RBMS3: variants seen among roughly 807,000 people sequenced by gnomAD.
RBMS3 encodes the protein RNA binding motif single stranded interacting protein 3, also known as RNA-binding motif, single-stranded-interacting protein 3.
RBMS3 carries 27 observed loss-of-function variants against 66.8 expected under a neutral mutation model. That is an observed-to-expected ratio of 0.40 (90% CI 0.30 to 0.56). The LOEUF is 0.56. RBMS3 is among the 20% of genes least tolerant of loss of function. RBMS3 has a pLI of 0.40. For synonymous variants in RBMS3, 188 were observed against 183.0 expected (o/e 1.03, Z -0.22); for missense variants, 513 against 549.5 (o/e 0.93, Z 0.66).
At chr3:29,567,416 T>C (rs532962754) in intron 3 of RBMS3, among the ~76,000 whole-genome samples, 3 of 152,308 alleles carry the variant, frequency 2.0e-5, no homozygotes, top group Non-Finnish European at 4.4e-5. Context: ...TCATGCTTAC[T>C]TACTGATTTA....
intron 3 of RBMS3, among the ~76,000 whole-genome samples, chr3:29,531,321 T>C (rs1198436057): frequency 6.6e-6 from 1 of 152,218 alleles, no homozygotes; most frequent in African/African-American, 2.4e-5. Context: ...TACAATAAAA[T>C]TTGAGAAGGA....
chr3:29,433,180 C>G (rs1470856509), intron 1 of RBMS3, among the ~76,000 whole-genome samples: 1 of 151,832 alleles, frequency 6.6e-6, no homozygotes, highest in African/African-American at 2.4e-5. Flanking sequence ...TTATATTATT[C>G]CTTACCTTTA....
chr3:29,731,966 C>T (rs568530406), intron 4 of RBMS3, among the ~76,000 whole-genome samples: 6 of 151,604 alleles, frequency 4.0e-5, no homozygotes, highest in African/African-American at 7.3e-5. Context: ...TCTGTACCTC[C>T]GTCCCTTTAC....
At chr3:29,571,107 T>C (rs1365729713) in intron 3 of RBMS3, among the ~76,000 whole-genome samples, 1 of 151,922 alleles carries the variant, frequency 6.6e-6, no homozygotes, top group Non-Finnish European at 1.5e-5. Context: ...CATATGCCTG[T>C]TTGCCATTTG....
At chr3:29,310,255 T>A (rs1304323646) in intron 1 of RBMS3, among the ~76,000 whole-genome samples, 1 of 151,658 alleles carries the variant, frequency 6.6e-6, no homozygotes, top group Non-Finnish European at 1.5e-5. Context: ...AGATCATGTC[T>A]GAAAACTTTA....
chr3:29,971,773 A>C (rs182354270), intron 12 of RBMS3, among the ~76,000 whole-genome samples: 1 of 152,284 alleles, frequency 6.6e-6, no homozygotes, highest in Non-Finnish European at 1.5e-5. Context: ...GTTAGATGTC[A>C]TAAGAGGTAG....
chr3:29,959,544 C>A (rs1696270674), intron 12 of RBMS3, among the ~76,000 whole-genome samples: 1 of 152,124 alleles, frequency 6.6e-6, no homozygotes, highest in African/African-American at 2.4e-5. Context: ...AAATCACAAA[C>A]ATTGGCTGTG....
chr3:29,297,146 C>T (rs1375637229), intron 1 of RBMS3, among the ~76,000 whole-genome samples: 5 of 151,704 alleles, frequency 3.3e-5, no homozygotes, highest in African/African-American at 1.2e-4. Flanking sequence ...TGCTTTAATA[C>T]GATTTCCCCA....
chr3:29,415,008 A>C lies in RBMS3; in HGVS notation c.76-19735A>C, dbSNP rs191705607. ...TCCCATAATAGAATAAAATGAGGAT[A>C]TGGCTGATAAATGCTGAGAAGGACA... On this transcript the variant is annotated intron_variant, in intron 1 of 14. Coordinates refer to ENST00000383767, the MANE Select transcript of RBMS3 (RefSeq NM_001003793.3). Among the ~76,000 whole-genome samples, 6 of 152,340 alleles carry C rather than the reference A, an allele frequency of 3.9e-5. No individual in the cohort carries two copies. In the South Asian group the frequency reaches 8.3e-4, roughly 21 times the overall value.
At chr3:29,797,581 A>T (rs2149437256) in intron 6 of RBMS3, 1 of 152,324 alleles carries the variant, frequency 6.6e-6, no homozygotes, top group South Asian at 2.1e-4. Flanking sequence ...GCTAACTGGT[A>T]AAAAGGCCTA....
intron 1 of RBMS3, among the ~76,000 whole-genome samples, chr3:29,411,969 G>T (rs1284105685): frequency 6.6e-6 from 1 of 152,172 alleles, no homozygotes; most frequent in African/African-American, 2.4e-5. Context: ...TTGTAACAAT[G>T]ATTTGAACTT....
intron 3 of RBMS3, among the ~76,000 whole-genome samples, chr3:29,516,907 A>G (rs1308121339): frequency 6.6e-6 from 1 of 152,200 alleles, no homozygotes; most frequent in Non-Finnish European, 1.5e-5. Context: ...TTGAAACAAT[A>G]AATGCATTAA....
intron 3 of RBMS3, among the ~76,000 whole-genome samples, chr3:29,541,606 T>C (rs1347069875): frequency 6.6e-6 from 1 of 152,184 alleles, no homozygotes; most frequent in East Asian, 1.9e-4. Context: ...TAAATTGGTG[T>C]CTGGCTTCAT....
At chr3:29,727,586 C>T (rs991485316) in intron 4 of RBMS3, among the ~76,000 whole-genome samples, 6 of 151,930 alleles carry the variant, frequency 3.9e-5, no homozygotes, top group Non-Finnish European at 5.9e-5. Flanking sequence ...GACATTTATG[C>T]AGCCAACAAA....
intron 4 of RBMS3, among the ~76,000 whole-genome samples, chr3:29,608,483 A>G (rs1157095284): frequency 6.6e-6 from 1 of 152,038 alleles, no homozygotes; most frequent in East Asian, 1.9e-4. Flanking sequence ...AAGATTATAC[A>G]ATTACACAGA....
intron 4 of RBMS3, among the ~76,000 whole-genome samples, chr3:29,648,263 A>ATTTT (rs749839563): frequency 0.012 from 909 of 77,596 alleles, 75 homozygotes; most frequent in Admixed American, 0.035. Context: ...GAAAATGTCT[A>ATTTT]TTTTTTTTTT....
intron 5 of RBMS3, among the ~76,000 whole-genome samples, chr3:29,751,287 T>A (rs532818330): frequency 6.6e-5 from 10 of 152,186 alleles, no homozygotes; most frequent in Admixed American, 4.6e-4. Flanking sequence ...TAATAAAACA[T>A]TATGACCAAA....
At chr3:29,771,058 A>G (rs1438480882) in intron 6 of RBMS3, among the ~76,000 whole-genome samples, 5 of 152,038 alleles carry the variant, frequency 3.3e-5, no homozygotes, top group Admixed American at 2.0e-4. Flanking sequence ...TCTGCAAAAC[A>G]TAAGAAAATA....
At chr3:29,406,659 G>GT (rs2040027092) in intron 1 of RBMS3, among the ~76,000 whole-genome samples, 1 of 152,108 alleles carries the variant, frequency 6.6e-6, no homozygotes, top group African/African-American at 2.4e-5. Context: ...TGTTGAAACT[G>GT]TTTTTTGTAA....
Sources: gnomAD v4.1 joint callset for allele counts (sites outside exome capture counted in the v4.1 genomes callset) on GRCh38, gnomAD v4.1.1 for gene constraint, MANE v1.5 for transcripts, NCBI Gene and HGNC (gene_info 2026-07-23, HGNC 2026-07-21) for gene names.